Variants in SERAC1 observed in about 807,000 individuals in gnomAD.
The protein encoded by SERAC1 is serine active site containing 1.
In SERAC1, 36 loss-of-function variants were observed where a neutral mutation model predicts 85.7. That is an observed-to-expected ratio of 0.42 (90% CI 0.32 to 0.55). The LOEUF is 0.55. Among genes scored for constraint, SERAC1 ranks in the 20% least tolerant of loss-of-function variants. The probability of loss-of-function intolerance (pLI) is 0.11; values close to 1 mark genes in which losing one functional copy is unlikely to be tolerated. For synonymous variants in SERAC1, 242 were observed against 265.3 expected, an observed-to-expected ratio of 0.91 and a Z score of 0.85; for missense variants, 629 against 796.2, an observed-to-expected ratio of 0.79 and a Z score of 2.53.
chr6:158,143,489 T>C (rs1426701612), intron 7 of SERAC1, among the ~76,000 whole-genome samples: 1 of 152,060 alleles, frequency 6.6e-6, no homozygotes, highest in East Asian at 1.9e-4. Flanking sequence ...AATCATTTAA[T>C]TTTGAATTCT....
intron 1 of SERAC1, among the ~76,000 whole-genome samples, chr6:158,167,537 C>CAAAA (rs71542916): frequency 4.3e-5 from 3 of 69,886 alleles, no homozygotes; most frequent in East Asian, 3.8e-4. Flanking sequence ...GACTCCATCT[C>CAAAA]AAAAAAAAAA....
intron 15 of SERAC1, 101 bp downstream of exon 15, chr6:158,114,688 T>TTATAAAATGAGGTAATACATTCAAGGAA (rs1784234064): frequency 1.4e-6 from 2 of 1,435,162 alleles, no homozygotes; most frequent in Non-Finnish European, 9.5e-7. Flanking sequence ...TATATACAAA[T>TTATAAAATGAGGTAATACATTCAAGGAA]TATAAAATGA....
At position 158,155,041 on chromosome 6, in the gene SERAC1, CTGATT is replaced by C. The variant is rs545398980; in HGVS notation, c.128+269_128+273del. On this transcript the variant is annotated intron_variant, in intron 3 of 16. Transcript: ENST00000647468. ...AAGTGTGTCAGAGCTAAGTGAGTGC[CTGATT>C]TAAGTGTGTCAAAGTGCTTTCCTCA... Among the ~76,000 whole-genome samples, 207 of 152,248 alleles carry C rather than the reference CTGATT, an allele frequency of 1.4e-3. 2 individuals are homozygous for C. Among genetic ancestry groups the C allele is most frequent in the Admixed American group, 0.013 (198 of 15,292 alleles).
chr6:158,129,356 G>C (rs1784616544), intron 9 of SERAC1, among the ~76,000 whole-genome samples: 1 of 152,172 alleles, frequency 6.6e-6, no homozygotes, highest in Non-Finnish European at 1.5e-5. Context: ...AACTGAACTG[G>C]AGAGTTCCGA....
At chr6:158,159,652 T>C (rs1045131197) in intron 1 of SERAC1, among the ~76,000 whole-genome samples, 3 of 147,832 alleles carry the variant, frequency 2.0e-5, no homozygotes, top group Admixed American at 6.9e-5. Flanking sequence ...TGAAACAGGG[T>C]ATGGCTCTGT....
chr6:158,115,792 G>A (rs1784273187), intron 14 of SERAC1, among the ~76,000 whole-genome samples: 2 of 152,134 alleles, frequency 1.3e-5, no homozygotes, highest in Admixed American at 6.5e-5. Context: ...GCACTAAAGC[G>A]ACCATAGACT....
In SERAC1 at chr6:158,117,336, T is replaced by C. The variant is rs911334149; in HGVS notation, c.1403+391A>G. The stretch of plus-strand genomic sequence containing the variant: ...ATGTATACAACTGGCACAGATGACA[T>C]ACAAGGGAAATAGCAGCTGATATTT... On this transcript the variant is annotated intron_variant, in intron 13 of 16. Transcript: ENST00000647468. This position sits in a 1 kb window ranked among gnomAD's most constrained non-coding sequence, Gnocchi z 4.3. 6.4e-6 allele frequency: 4 copies of C among 625,348 alleles called. No individual in the cohort carries two copies. The highest frequency in any genetic ancestry group is 2.8e-5 in the East Asian group (1 of 36,326). The allele number at this position is 625,348 out of a possible 1,614,324, so 38.7% of individuals were successfully genotyped here. A position where few individuals can be genotyped will look rare whatever the true frequency, so the allele number is the denominator to read the frequency against.
chr6:158,122,565 T>C (rs1784447345), intron 10 of SERAC1, among the ~76,000 whole-genome samples: 1 of 152,126 alleles, frequency 6.6e-6, no homozygotes, highest in African/African-American at 2.4e-5. Context: ...GCAGATCACT[T>C]GAGGTCAGGA....
chr6:158,129,689 T>G lies in SERAC1; in HGVS notation c.852+684A>C, dbSNP rs534487960. 3.3e-3 allele frequency among the ~76,000 whole-genome samples: 456 copies of G among 139,564 alleles called. 3 individuals are homozygous for G. The highest frequency in any genetic ancestry group is 0.012 in the African/African-American group (428 of 35,776). 91.6% of individuals were successfully genotyped at this position (139,564 alleles called of 152,430 possible). A position where few individuals can be genotyped will look rare whatever the true frequency, so the allele number is the denominator to read the frequency against. On this transcript the variant is annotated intron_variant, in intron 9 of 16. Coordinates refer to ENST00000647468, the MANE Select transcript of SERAC1 (RefSeq NM_032861.4). Reference sequence around the variant, plus strand: ...TATAGTCATCTAATATTTCCTTGTTTTTTTTTGTTTTGTTTTTTTTTTTTT... The same window carrying G: ...TATAGTCATCTAATATTTCCTTGTTGTTTTTTGTTTTGTTTTTTTTTTTTT...
intron 16 of SERAC1, chr6:158,113,148 C>G (rs1784187854): frequency 2.5e-6 from 1 of 394,334 alleles, no homozygotes; most frequent in Non-Finnish European, 4.5e-6. Context: ...CCCTTTTGAT[C>G]TAGCTGATAG....
chr6:158,160,346 A>G (rs1785460196), intron 1 of SERAC1, among the ~76,000 whole-genome samples: 1 of 152,226 alleles, frequency 6.6e-6, no homozygotes, highest in Non-Finnish European at 1.5e-5. Context: ...TCTCTAGTGC[A>G]AAACACCCCA....
intron 4 of SERAC1, among the ~76,000 whole-genome samples, chr6:158,149,557 T>C (rs1002099989): frequency 2.0e-5 from 3 of 152,188 alleles, no homozygotes; most frequent in Admixed American, 6.5e-5. Context: ...GGTTTTGCAA[T>C]ATCCAGGAAA....
intron 1 of SERAC1, among the ~76,000 whole-genome samples, chr6:158,163,569 C>G (rs1785532095): frequency 6.6e-6 from 1 of 152,096 alleles, no homozygotes; most frequent in Non-Finnish European, 1.5e-5. Context: ...TGCTGGAGCT[C>G]AGGAGCCCAA....
chr6:158,134,409 G>C (rs1381214846), intron 8 of SERAC1, among the ~76,000 whole-genome samples: 1 of 152,072 alleles, frequency 6.6e-6, no homozygotes, highest in Non-Finnish European at 1.5e-5. Context: ...AGTCTAAGAT[G>C]AACATTTTCT....
chr6:158,157,911 G>A (rs372708046), intron 2 of SERAC1, among the ~76,000 whole-genome samples: 1 of 152,128 alleles, frequency 6.6e-6, no homozygotes, highest in African/African-American at 2.4e-5. Context: ...CATATCCCGA[G>A]CCCCCGTAAG....
intron 8 of SERAC1, among the ~76,000 whole-genome samples, chr6:158,137,965 G>A (rs140355368): frequency 6.6e-6 from 1 of 152,200 alleles, no homozygotes; most frequent in Non-Finnish European, 1.5e-5. Flanking sequence ...ATGGGTAGGG[G>A]AGGGTGGTGG....
intron 1 of SERAC1, among the ~76,000 whole-genome samples, chr6:158,166,623 C>T (rs571114220): frequency 1.3e-5 from 2 of 152,234 alleles, no homozygotes; most frequent in East Asian, 1.9e-4. Flanking sequence ...TCTATTAATA[C>T]GGTATATCTC....
chr6:158,165,375 TCAATCTCCTGA>T (rs1284970628), intron 1 of SERAC1, among the ~76,000 whole-genome samples: 2 of 152,160 alleles, frequency 1.3e-5, no homozygotes, highest in Non-Finnish European at 2.9e-5. Context: ...CAGGATGGTC[TCAATCTCCTGA>T]CCTCGTGATC....
intron 3 of SERAC1, among the ~76,000 whole-genome samples, chr6:158,152,396 AT>A: frequency 6.6e-6 from 1 of 152,268 alleles, no homozygotes; most frequent in Middle Eastern, 3.4e-3. Flanking sequence ...GGCGCCTGTA[AT>A]CCCAGCTACT....
Sources: allele counts gnomAD v4.1 joint callset (sites outside exome capture counted in the v4.1 genomes callset), GRCh38; gene constraint gnomAD v4.1.1; non-coding constraint Gnocchi (gnomAD v3.1); transcripts MANE v1.5; gene names NCBI Gene and HGNC (gene_info 2026-07-23, HGNC 2026-07-21).